The following ASZ1 variants were observed in gnomAD, a reference collection of about 807,000 sequenced individuals.
ASZ1 encodes ankyrin repeat, SAM and basic leucine zipper domain containing 1.
A neutral mutation model predicts 61.8 loss-of-function variants in ASZ1; 67 were observed. The observed-to-expected ratio is 1.08, with a 90% CI of 0.89 to 1.33. ASZ1 has a LOEUF of 1.33. ASZ1 is among the 40% of genes most tolerant of loss of function. The probability of loss-of-function intolerance (pLI) is 0.00; values close to 1 mark genes in which losing one functional copy is unlikely to be tolerated. For missense variants in ASZ1, 577 were observed against 554.5 expected (o/e 1.04, Z -0.41); for synonymous variants, 193 against 192.7 (o/e 1.00, Z -0.01).
At chr7:117,398,203 C>T (rs1389564191) in intron 4 of ASZ1, among the ~76,000 whole-genome samples, 4 of 152,140 alleles carry the variant, frequency 2.6e-5, no homozygotes, top group Admixed American at 2.0e-4. Context: ...TTCGCTGTTT[C>T]GTACCTTTCT....
chr7:117,379,164 T>TACACAC (rs1384419878), intron 10 of ASZ1, among the ~76,000 whole-genome samples: 76 of 59,466 alleles, frequency 1.3e-3, no homozygotes, highest in African/African-American at 6.6e-3. Context: ...TATATATATA[T>TACACAC]ATATACACAC....
chr7:117,402,174 C>G (rs1308644410), intron 4 of ASZ1, among the ~76,000 whole-genome samples: 1 of 152,126 alleles, frequency 6.6e-6, no homozygotes, highest in East Asian at 1.9e-4. Context: ...GACTGTCCTT[C>G]AGTTGTCAAA....
chr7:117,387,144 T>TAAAA (rs577384608), intron 4 of ASZ1, among the ~76,000 whole-genome samples: 2 of 121,788 alleles, frequency 1.6e-5, no homozygotes, highest in African/African-American at 6.2e-5. Flanking sequence ...TACCTCTACT[T>TAAAA]AAAAAAAAAA....
In ASZ1 at chr7:117,415,361, C is replaced by T. The variant is rs147707891; in HGVS notation, c.440+4802G>A. 2.0e-4 allele frequency among the ~76,000 whole-genome samples: 31 copies of T among 152,238 alleles called. No homozygotes were observed. The East Asian group carries it at 4.3e-3, about 21-fold the overall frequency. Reference sequence around the variant, plus strand: ...AATCATCTTTTGTCCGGCATATCCACGCTATATATACTACACACCCAATTA... The same window carrying T: ...AATCATCTTTTGTCCGGCATATCCATGCTATATATACTACACACCCAATTA... On this transcript the variant is annotated intron_variant, in intron 4 of 12. Transcript: ENST00000284629.
chr7:117,425,259 CTTTTTTTTTTT>C (rs71148368), intron 2 of ASZ1, among the ~76,000 whole-genome samples: 3 of 93,868 alleles, frequency 3.2e-5, no homozygotes, highest in South Asian at 8.5e-4. Context: ...TGAGTAATTT[CTTTTTTTTTTT>C]TTTTTTTTTT....
intron 4 of ASZ1, among the ~76,000 whole-genome samples, chr7:117,403,434 G>A (rs1208394402): frequency 6.6e-6 from 1 of 152,018 alleles, no homozygotes; most frequent in Non-Finnish European, 1.5e-5. Flanking sequence ...ACTACTATTT[G>A]CTATGGGGCT....
At position 117,420,152 on chromosome 7, in the gene ASZ1, A is replaced by G; in HGVS notation, c.440+11T>C. On this transcript the variant is annotated intron_variant, in intron 4 of 12. Transcript: ENST00000284629. Reference sequence around the variant, plus strand: ...TTGACTTGAATTTTGAACAGATATAAAGGCTCTTACCTACAAGCAACATTT... The same window carrying G: ...TTGACTTGAATTTTGAACAGATATAGAGGCTCTTACCTACAAGCAACATTT... 1 of 1,591,984 alleles carries G rather than the reference A, an allele frequency of 6.3e-7. No individual in the cohort carries two copies. The highest frequency in any genetic ancestry group is 1.1e-5 in the South Asian group (1 of 89,440).
intron 10 of ASZ1, among the ~76,000 whole-genome samples, chr7:117,378,003 C>G (rs933676575): frequency 6.6e-6 from 1 of 151,846 alleles, no homozygotes; most frequent in South Asian, 2.1e-4. Flanking sequence ...AAAAAATGAA[C>G]CTCAGCCTAA....
chr7:117,363,811 G>T (rs1217652309), intron 12 of ASZ1, 63 bp from the exon 13 acceptor site: 9 of 1,259,398 alleles, frequency 7.1e-6, no homozygotes, highest in South Asian at 2.2e-5. Flanking sequence ...AAAACATTTT[G>T]ATTTTAAAAA....
chr7:117,389,950 T>C (rs976917348), intron 4 of ASZ1, among the ~76,000 whole-genome samples: 9 of 152,236 alleles, frequency 5.9e-5, no homozygotes, highest in Admixed American at 5.2e-4. Flanking sequence ...TGGGTAGCTC[T>C]GACGGATAAG....
intron 4 of ASZ1, among the ~76,000 whole-genome samples, chr7:117,396,558 C>CTT: frequency 6.6e-6 from 1 of 152,124 alleles, no homozygotes; most frequent in Admixed American, 6.5e-5. Flanking sequence ...ATCCTCTGAC[C>CTT]TATTTATGTA....
intron 12 of ASZ1, 98 bp downstream of exon 12, chr7:117,367,254 C>T: frequency 1.1e-6 from 1 of 895,220 alleles, no homozygotes; most frequent in Non-Finnish European, 1.5e-6. Flanking sequence ...CTAAGTGTTC[C>T]ATTTGTTGCT....
intron 4 of ASZ1, among the ~76,000 whole-genome samples, chr7:117,390,951 C>G (rs781595129): frequency 3.3e-5 from 5 of 152,186 alleles, no homozygotes; most frequent in Non-Finnish European, 7.3e-5. Context: ...ATCCACCTTC[C>G]TTGGCCTCCC....
intron 4 of ASZ1, among the ~76,000 whole-genome samples, chr7:117,417,287 C>T (rs1231025084): frequency 6.6e-6 from 1 of 152,166 alleles, no homozygotes; most frequent in Non-Finnish European, 1.5e-5. Flanking sequence ...TTATGGCTGA[C>T]TCTTTCCTTG....
intron 4 of ASZ1, among the ~76,000 whole-genome samples, chr7:117,389,017 C>T (rs1158946073): frequency 6.6e-6 from 1 of 152,050 alleles, no homozygotes; most frequent in Non-Finnish European, 1.5e-5. Context: ...TAAAACAATA[C>T]AACTTAAGTA....
At chr7:117,414,952 CAT>C (rs34286462) in intron 4 of ASZ1, among the ~76,000 whole-genome samples, 19,906 of 151,980 alleles carry the variant, frequency 0.13, 3,082 homozygotes, top group African/African-American at 0.38. Context: ...TATGTGTGCA[CAT>C]GTCTTTATAG....
chr7:117,395,759 G>A (rs1194795114), intron 4 of ASZ1, among the ~76,000 whole-genome samples: 2 of 152,010 alleles, frequency 1.3e-5, no homozygotes, highest in Non-Finnish European at 1.5e-5. Flanking sequence ...TTATGATTTT[G>A]TTCTCCTTTT....
intron 6 of ASZ1, 91 bp downstream of exon 6, chr7:117,384,635 C>A: frequency 7.2e-7 from 1 of 1,389,726 alleles, no homozygotes; most frequent in Non-Finnish European, 9.7e-7. Flanking sequence ...ACTATAATTA[C>A]ACTTTTAATT....
intron 4 of ASZ1, 76 bp from the exon 5 acceptor site, chr7:117,385,885 A>C: frequency 8.4e-7 from 1 of 1,194,858 alleles, no homozygotes; most frequent in Non-Finnish European, 1.2e-6. Context: ...TTAACCATAC[A>C]CAATACCACC....
Sources: gnomAD v4.1 joint callset for allele counts (sites outside exome capture counted in the v4.1 genomes callset) on GRCh38, gnomAD v4.1.1 for gene constraint, MANE v1.5 for transcripts, NCBI Gene and HGNC (gene_info 2026-07-23, HGNC 2026-07-21) for gene names.